GUCY2F: variants seen among roughly 807,000 people sequenced by gnomAD.
The protein encoded by GUCY2F is retinal guanylyl cyclase 2.
GUCY2F carries 61 observed loss-of-function variants against 73.1 expected under a neutral mutation model. The observed-to-expected ratio is 0.83, with a 90% CI of 0.68 to 1.03. The LOEUF is 1.03. GUCY2F is among the 50% of genes least tolerant of loss of function. The pLI is 0.00. For missense variants in GUCY2F, 912 were observed against 854.3 expected (o/e 1.07, Z -0.84); for synonymous variants, 331 against 307.8 (o/e 1.08, Z -0.79).
chrX:109,412,178 G>T (rs193296584), intron 8 of GUCY2F, among the ~76,000 whole-genome samples: 4 of 112,112 alleles, frequency 3.6e-5, no homozygotes, highest in African/African-American at 1.3e-4. Context: ...AATGGTAACA[G>T]TGTACATGAA....
At chrX:109,435,234 C>T (rs1420239109) in intron 7 of GUCY2F, among the ~76,000 whole-genome samples, 21 of 110,452 alleles carry the variant, frequency 1.9e-4, no homozygotes, top group South Asian at 3.9e-4. Flanking sequence ...GCCATTTTCA[C>T]GATATTGATT....
rs377763670 is a variant in GUCY2F at position 109,389,761 on chromosome X, T to TATC, written c.2782-1101_2782-1099dup. On this transcript the variant is annotated intron_variant, in intron 14 of 19. Coordinates refer to ENST00000218006, the MANE Select transcript of GUCY2F (RefSeq NM_001522.3). ...CTATCACCATCATCATCATCAACAT[T>TATC]ATCATCATCATCATCATCATTATCA... Among the ~76,000 whole-genome samples the TATC allele has an allele frequency of 2.6e-3, 294 of 111,279 alleles. 2 individuals carry two copies. The highest frequency in any genetic ancestry group is 9.2e-3 in the African/African-American group (281 of 30,679).
intron 3 of GUCY2F, among the ~76,000 whole-genome samples, chrX:109,461,395 T>C (rs1348347456): frequency 1.8e-5 from 2 of 112,571 alleles, no homozygotes; most frequent in Non-Finnish European, 3.8e-5. Flanking sequence ...TTTTGTTCAT[T>C]TCATTTTTTA....
At chrX:109,463,433 CTTT>C (rs755756631) in intron 3 of GUCY2F, among the ~76,000 whole-genome samples, 2 of 83,991 alleles carry the variant, frequency 2.4e-5, no homozygotes. Flanking sequence ...TTTCCTCACT[CTTT>C]TTTTTTTTTT....
chrX:109,395,469 T>G lies in GUCY2F; in HGVS notation c.2296A>C (p.Lys766Gln), dbSNP rs1219830680. The change falls in exon 12 of 20, where the codon AAG becomes CAG. Residue 766 changes from lysine (K) to glutamine (Q), a missense_variant. Transcript: ENST00000218006. ...ACTGGTCTGTACACAGGAGGAGGCT[T>G]CTTAAGTCTGTTTATGATTTCTGTC... ...PAQEIINRLK[K>Q]PPPVYRPVVP... is the part of the protein sequence containing the mutation. 1.7e-6 allele frequency: 2 copies of G among 1,201,637 alleles called. No homozygotes were observed. Among genetic ancestry groups the G allele is most frequent in the Non-Finnish European group, 2.3e-6 (2 of 887,530 alleles).
intron 5 of GUCY2F, 94 bp downstream of exon 5, chrX:109,451,929 G>A: frequency 1.8e-6 from 1 of 544,942 alleles, no homozygotes; most frequent in East Asian, 3.5e-5. Flanking sequence ...ATGTAATGAG[G>A]CAATTGTACC....
intron 8 of GUCY2F, among the ~76,000 whole-genome samples, chrX:109,420,303 GAGAA>G (rs1343294917): frequency 2.0e-5 from 2 of 98,247 alleles, no homozygotes; most frequent in Admixed American, 2.2e-4. Flanking sequence ...GAGAGAAAAA[GAGAA>G]AGAAAGAAGA....
chrX:109,403,706 G>A (rs1603380492), intron 10 of GUCY2F, among the ~76,000 whole-genome samples: 1 of 112,044 alleles, frequency 8.9e-6, no homozygotes, highest in Non-Finnish European at 1.9e-5. Context: ...GACACACCAA[G>A]GACCACCCTG....
intron 7 of GUCY2F, among the ~76,000 whole-genome samples, chrX:109,439,834 C>A (rs1931831558): frequency 8.9e-6 from 1 of 111,916 alleles, no homozygotes; most frequent in Admixed American, 9.5e-5. Flanking sequence ...CCAATGTGGT[C>A]ATTCTGTTCA....
chrX:109,478,199 G>A (rs1234572995), intron 1 of GUCY2F, among the ~76,000 whole-genome samples: 1 of 112,361 alleles, frequency 8.9e-6, no homozygotes, highest in Non-Finnish European at 1.9e-5. Flanking sequence ...TGGATGAAGT[G>A]TGAGGTGTTG....
Position 109,393,070 on chromosome X carries a change from G to GA in GUCY2F, c.2425-16dup, listed in dbSNP as rs1451814420. ...AAAGTTTTAAACTGGAAGTAAAATA[G>GA]AAAAGGGAACCAGAAAATGCTTACT... is the stretch of plus-strand genomic sequence containing the variant. On this transcript the variant is annotated splice_polypyrimidine_tract_variant and intron_variant, in intron 12 of 19. Transcript: ENST00000218006. 2 of 956,611 alleles carry GA rather than the reference G, an allele frequency of 2.1e-6. No individual in the cohort carries two copies. The highest frequency in any genetic ancestry group is 3.0e-6 in the Non-Finnish European group (2 of 670,467). 78.8% of individuals were successfully genotyped at this position (956,611 alleles called of 1,213,427 possible).
intron 6 of GUCY2F, among the ~76,000 whole-genome samples, chrX:109,446,459 G>T (rs1285971324): frequency 9.0e-6 from 1 of 111,178 alleles, no homozygotes; most frequent in African/African-American, 3.3e-5. Context: ...AGAGCCCTCA[G>T]AAATAATACT....
intron 4 of GUCY2F, 65 bp downstream of exon 4, chrX:109,453,440 C>T (rs1341737036): frequency 7.7e-6 from 5 of 648,470 alleles, no homozygotes; most frequent in Non-Finnish European, 1.2e-5. Flanking sequence ...GTGCCTTCTC[C>T]TAAAGAGGTT....
chrX:109,468,559 A>G (rs777405042), intron 2 of GUCY2F, among the ~76,000 whole-genome samples: 59 of 111,520 alleles, frequency 5.3e-4, no homozygotes, highest in Middle Eastern at 4.6e-3. Flanking sequence ...CATGCCTACT[A>G]TCATTAACTA....
intron 6 of GUCY2F, among the ~76,000 whole-genome samples, chrX:109,445,890 A>C (rs1207035827): frequency 8.9e-6 from 1 of 112,047 alleles, no homozygotes; most frequent in Non-Finnish European, 1.9e-5. Context: ...ATCTCAGCCC[A>C]AAATCTCCTT....
chrX:109,440,490 G>GA (rs111522310), intron 7 of GUCY2F, among the ~76,000 whole-genome samples: 6,412 of 111,763 alleles, frequency 0.057, 427 homozygotes, highest in African/African-American at 0.19. Flanking sequence ...GTATTCACTT[G>GA]AAAAATCCAA....
At chrX:109,444,645 C>A (rs1291812644) in intron 6 of GUCY2F, among the ~76,000 whole-genome samples, 1 of 111,573 alleles carries the variant, frequency 9.0e-6, no homozygotes, top group African/African-American at 3.3e-5. Context: ...GCCTAGGACA[C>A]CTCGCCTATG....
chrX:109,455,485 G>T (rs972423834), intron 3 of GUCY2F, among the ~76,000 whole-genome samples: 6 of 111,702 alleles, frequency 5.4e-5, no homozygotes, highest in African/African-American at 2.0e-4. Context: ...GTAAAATCCA[G>T]GTCTCCTGTT....
chrX:109,479,777 G>T (rs1346517568), intron 1 of GUCY2F, among the ~76,000 whole-genome samples: 3 of 111,094 alleles, frequency 2.7e-5, no homozygotes, highest in Non-Finnish European at 5.7e-5. Flanking sequence ...GACAATGCTG[G>T]AGTTATGCTA....
Sources: allele counts gnomAD v4.1 joint callset (sites outside exome capture counted in the v4.1 genomes callset), GRCh38; gene constraint gnomAD v4.1.1; transcripts MANE v1.5; gene names NCBI Gene and HGNC (gene_info 2026-07-23, HGNC 2026-07-21).